Variants in PACRGL observed in about 807,000 individuals in gnomAD.
PACRGL encodes parkin coregulated like, also known as PACRG-like protein.
A neutral mutation model predicts 34.5 loss-of-function variants in PACRGL; 38 were observed. That is an observed-to-expected ratio of 1.10 (90% CI 0.85 to 1.44). The LOEUF is 1.44. Ranked by LOEUF, PACRGL falls within the 40% of genes most tolerant of loss-of-function variation. The probability of loss-of-function intolerance (pLI) is 0.00; values close to 1 mark genes in which losing one functional copy is unlikely to be tolerated. For missense variants in PACRGL, 305 were observed against 281.4 expected (o/e 1.08, Z -0.60); for synonymous variants, 128 against 100.1 (o/e 1.28, Z -1.66).
chr4:20,752,863 G>A (rs1560437039), downstream of PACRGL: 1 of 152,170 alleles, frequency 6.6e-6, no homozygotes, highest in Non-Finnish European at 1.5e-5. Context: ...ACTCAACTGT[G>A]TTCTTAAGCA....
chr4:20,757,502 A>G (rs1035193834), downstream of PACRGL, among the ~76,000 whole-genome samples: 1 of 152,102 alleles, frequency 6.6e-6, no homozygotes, highest in Non-Finnish European at 1.5e-5. Context: ...TTGACTCTCT[A>G]GGACATTTCA....
At chr4:20,763,407 CTT>C in the PACRGL span, among the ~76,000 whole-genome samples, 5 of 152,146 alleles carry the variant, frequency 3.3e-5, no homozygotes, top group East Asian at 1.9e-4. Flanking sequence ...GATTTGGTGA[CTT>C]TAACATATGG....
chr4:20,732,670 TTAA>T, downstream of PACRGL: 4 of 1,581,772 alleles, frequency 2.5e-6, no homozygotes, highest in Non-Finnish European at 3.5e-6. Context: ...GACTTCTGTT[TTAA>T]TTCCTACCTG....
chr4:20,751,650 C>CATAAATAATGG (rs1753660534), intron 8 of PACRGL, among the ~76,000 whole-genome samples: 1 of 152,028 alleles, frequency 6.6e-6, no homozygotes, highest in Non-Finnish European at 1.5e-5. Context: ...CAGTACTCAC[C>CATAAATAATGG]ATAAATAATG....
chr4:20,727,618 G>T lies in PACRGL; in HGVS notation c.*277G>T. On this transcript the variant is annotated 3_prime_UTR_variant, in exon 9 of 9. Transcript: ENST00000503585. ...AACCATTATTGAGTTTGCAAGATAA[G>T]ATGTATTTGTATTTTCTAGTGTCTT... The T allele has an allele frequency of 3.4e-6, 1 of 298,262 alleles. No individual in the cohort carries two copies. The highest frequency in any genetic ancestry group is 5.8e-5 in the East Asian group (1 of 17,384). The allele number at this position is 298,262 out of a possible 1,614,324, so 18.5% of individuals were successfully genotyped here.
At chr4:20,716,360 T>A (rs1739998722) in intron 7 of PACRGL, 1 of 584,556 alleles carries the variant, frequency 1.7e-6, no homozygotes, top group Non-Finnish European at 3.0e-6. Flanking sequence ...TTGTTTGTTT[T>A]AATTATACTT....
chr4:20,748,870 GTGTGTGTGTGTA>G (rs1753000232), intron 8 of PACRGL, among the ~76,000 whole-genome samples: 1 of 128,046 alleles, frequency 7.8e-6, no homozygotes, highest in South Asian at 2.4e-4. Context: ...TATGAATTAC[GTGTGTGTGTGTA>G]TGTGTGTGTG....
the PACRGL span, among the ~76,000 whole-genome samples, chr4:20,763,769 CA>C: frequency 6.6e-6 from 1 of 152,052 alleles, no homozygotes; most frequent in Admixed American, 6.6e-5. Context: ...CTATGTTGCC[CA>C]GGCTGGATTT....
At chr4:20,738,263 A>C (rs180782026) in intron 8 of PACRGL, among the ~76,000 whole-genome samples, 22 of 152,318 alleles carry the variant, frequency 1.4e-4, no homozygotes, top group Admixed American at 1.4e-3. Flanking sequence ...AATGTAAACG[A>C]TATTTTTAAA....
downstream of PACRGL, among the ~76,000 whole-genome samples, chr4:20,733,765 A>C (rs544964196): frequency 1.3e-5 from 2 of 152,318 alleles, no homozygotes; most frequent in South Asian, 4.1e-4. Context: ...CACAATAGCC[A>C]TAAGGTCTTA....
chr4:20,743,839 C>A (rs1282889941), intron 8 of PACRGL, among the ~76,000 whole-genome samples: 3 of 151,596 alleles, frequency 2.0e-5, no homozygotes, highest in Admixed American at 2.0e-4. Context: ...AGGCAACCTA[C>A]AAAATGGGAG....
In PACRGL at chr4:20,728,720, CTCTTAATT is replaced by C. The variant is rs1213134437; in HGVS notation, c.*1383_*1390del. ...ATTTCAGTGTACATGTATTGTACTACTCTTAATTTCTACACTGGTGATAGCAGGGCAGC... is the reference window on the plus strand; with the variant it reads ...ATTTCAGTGTACATGTATTGTACTACTCTACACTGGTGATAGCAGGGCAGC... On this transcript the variant is annotated 3_prime_UTR_variant, in exon 9 of 9. Transcript: ENST00000503585. The C allele has an allele frequency of 6.6e-6, 1 of 152,576 alleles. No homozygotes were observed. Among genetic ancestry groups the C allele is most frequent in the Non-Finnish European group, 1.5e-5 (1 of 68,020 alleles). 9.5% of individuals were successfully genotyped at this position (152,576 alleles called of 1,614,324 possible).
At chr4:20,709,841 G>T in intron 5 of PACRGL, 68 bp downstream of exon 5, 1 of 1,318,420 alleles carries the variant, frequency 7.6e-7, no homozygotes, top group Non-Finnish European at 1.1e-6. Context: ...ATGCTACTTT[G>T]TAGCTTGTCA....
chr4:20,725,261 C>G (rs577839001), intron 8 of PACRGL, among the ~76,000 whole-genome samples: 64 of 151,958 alleles, frequency 4.2e-4, no homozygotes, highest in African/African-American at 1.4e-3. Flanking sequence ...GGAAAAATAC[C>G]TTTTTCTCTT....
At position 20,730,244 on chromosome 4, in the gene PACRGL, A is replaced by C; in HGVS notation, c.*2903A>C. 7.7e-7 allele frequency: 1 copy of C among 1,304,946 alleles called. No individual in the cohort carries two copies. Among genetic ancestry groups the C allele is most frequent in the Non-Finnish European group, 1.0e-6 (1 of 973,926 alleles). The allele number at this position is 1,304,946 out of a possible 1,614,324, so 80.8% of individuals were successfully genotyped here. ...AACCACCTCAACCACCTATGCCAAA[A>C]GCTCAAATATTAAGTGTTTGCAAAT... On this transcript the variant is annotated 3_prime_UTR_variant, in exon 9 of 9. Coordinates refer to ENST00000503585, the MANE Select transcript of PACRGL (RefSeq NM_001258345.3).
chr4:20,758,294 A>G, the PACRGL span, among the ~76,000 whole-genome samples: 20 of 152,220 alleles, frequency 1.3e-4, no homozygotes, highest in South Asian at 2.1e-4. Context: ...GAGGGAGCAC[A>G]GTAAAGAATT....
chr4:20,718,440 C>T (rs1490420081), intron 7 of PACRGL, among the ~76,000 whole-genome samples: 5 of 152,104 alleles, frequency 3.3e-5, no homozygotes, highest in African/African-American at 1.2e-4. Flanking sequence ...CAGTTTCTAC[C>T]CATTCAGTAT....
intron 7 of PACRGL, among the ~76,000 whole-genome samples, chr4:20,719,220 T>G (rs1741755496): frequency 6.6e-6 from 1 of 152,184 alleles, no homozygotes; most frequent in South Asian, 2.1e-4. Flanking sequence ...TTCTTCTCTC[T>G]TTACTTTATT....
chr4:20,716,058 C>A, intron 7 of PACRGL: 1 of 1,481,504 alleles, frequency 6.7e-7, no homozygotes, highest in Non-Finnish European at 8.9e-7. Context: ...CAGGAAGAGA[C>A]CTTTTCCTGA....
Sources: gnomAD v4.1 joint callset for allele counts (sites outside exome capture counted in the v4.1 genomes callset) on GRCh38, gnomAD v4.1.1 for gene constraint, MANE v1.5 for transcripts, NCBI Gene and HGNC (gene_info 2026-07-23, HGNC 2026-07-21) for gene names.